THBS2: variants seen among roughly 807,000 people sequenced by gnomAD.
THBS2 encodes the protein thrombospondin-2.
In THBS2, 47 loss-of-function variants were observed where a neutral mutation model predicts 135.2. The ratio of observed to expected loss-of-function variants is 0.35; its 90% confidence interval spans 0.28 to 0.44. The LOEUF (loss-of-function observed/expected upper bound fraction) is 0.44, where lower values mean the gene tolerates loss of function less well. THBS2 is among the 20% of genes least tolerant of loss of function. The pLI, the probability that THBS2 is intolerant of heterozygous loss-of-function variation, is 1.00. For missense variants in THBS2, 1,288 were observed against 1,603.1 expected, an observed-to-expected ratio of 0.80 and a Z score of 3.36; for synonymous variants, 639 against 633.8, an observed-to-expected ratio of 1.01 and a Z score of -0.12.
In THBS2 at chr6:169,237,668, G is replaced by C. The variant is rs9766671; in HGVS notation, c.1257C>G (p.Ser419=). Residue 419 remains serine, a synonymous_variant, in exon 8 of 22, where the codon TCC becomes TCG. Transcript: ENST00000617924. ...DVTSNTCLGP[S]IQTRACSLSK... is the part of the protein sequence containing the mutation. The stretch of plus-strand genomic sequence containing the variant: ...TCAGACTGCAAGCCCGTGTCTGGAT[G>C]GAGGGCCCCAAGCAGGTGTTGCTGG... The C allele has an allele frequency of 0.2, 324,654 of 1,612,740 alleles. 33,713 individuals carry two copies. The highest frequency in any genetic ancestry group is 0.29 in the South Asian group (26,056 of 91,070).
chr6:169,250,253 T>C (rs1000178974), intron 2 of THBS2, among the ~76,000 whole-genome samples: 3 of 152,218 alleles, frequency 2.0e-5, no homozygotes, highest in Admixed American at 2.0e-4. Context: ...CTACTTAAGA[T>C]TTATCCACGT....
intron 15 of THBS2, among the ~76,000 whole-genome samples, chr6:169,227,162 T>A (rs6902567): frequency 6.6e-6 from 1 of 151,718 alleles, no homozygotes; most frequent in African/African-American, 2.4e-5. Context: ...CAGGTTGGGG[T>A]GGCTCAGAAA....
intron 21 of THBS2, among the ~76,000 whole-genome samples, chr6:169,219,233 G>A (rs201344109): frequency 7.9e-6 from 1 of 126,866 alleles, no homozygotes; most frequent in African/African-American, 3.0e-5. Context: ...GGGTGGGTGG[G>A]TGGATGGATT....
At chr6:169,238,648 G>T (rs767391240) in intron 7 of THBS2, among the ~76,000 whole-genome samples, 1 of 152,126 alleles carries the variant, frequency 6.6e-6, no homozygotes, top group Non-Finnish European at 1.5e-5. Context: ...ACTGTATAGG[G>T]GATACATTTT....
chr6:169,225,730 C>T (rs750587582), intron 16 of THBS2, among the ~76,000 whole-genome samples: 3 of 152,208 alleles, frequency 2.0e-5, no homozygotes, highest in Non-Finnish European at 2.9e-5. Context: ...GATAATATAT[C>T]CTATGAGCTG....
chr6:169,248,112 G>A (rs965618929), intron 3 of THBS2, among the ~76,000 whole-genome samples: 1 of 151,782 alleles, frequency 6.6e-6, no homozygotes, highest in African/African-American at 2.4e-5. Flanking sequence ...GAGTGTGAGT[G>A]CATATGCAGT....
chr6:169,218,834 GAT>G, intron 21 of THBS2, among the ~76,000 whole-genome samples: 1 of 88,040 alleles, frequency 1.1e-5, no homozygotes, highest in South Asian at 3.4e-4. Flanking sequence ...GGCTGAGATG[GAT>G]GGATGGATGG....
At chr6:169,227,210 G>A (rs763946319) in intron 15 of THBS2, among the ~76,000 whole-genome samples, 5 of 152,162 alleles carry the variant, frequency 3.3e-5, no homozygotes, top group Non-Finnish European at 5.9e-5. Context: ...AGGACCCCAC[G>A]AGGCGAAGTG....
chr6:169,232,347 T>C (rs1779869021), intron 12 of THBS2, 149 bp from the exon 13 acceptor site: 1 of 906,258 alleles, frequency 1.1e-6, no homozygotes, highest in Non-Finnish European at 1.7e-6. Context: ...GGACACGCAC[T>C]TGAGGTGCTG....
rs770883806 is a variant in THBS2 at position 169,232,154 on chromosome 6, G to A, written c.1977C>T (p.Cys659=). 1.1e-5 allele frequency: 18 copies of A among 1,614,064 alleles called. No homozygotes were observed. Among genetic ancestry groups the A allele is most frequent in the Non-Finnish European group, 1.4e-5 (17 of 1,179,964 alleles). ...ENPCKDKTHN[C]HKHAECIYLG... is the part of the protein sequence containing the mutation. ...GGTAGATGCACTCCGCGTGCTTGTGGCAGTTGTGTGTCTTGTCCTTGCATG... is the reference window on the plus strand; with the variant it reads ...GGTAGATGCACTCCGCGTGCTTGTGACAGTTGTGTGTCTTGTCCTTGCATG... Residue 659 remains cysteine (C), a synonymous_variant, in exon 13 of 22, where the codon TGC becomes TGT. Transcript: ENST00000617924.
In THBS2 at chr6:169,248,684, C is replaced by G; in HGVS notation, c.342G>C (p.Glu114Asp). 1 of 1,613,894 alleles carries G rather than the reference C, an allele frequency of 6.2e-7. No homozygotes were observed. Among genetic ancestry groups the G allele is most frequent in the South Asian group, 1.1e-5 (1 of 91,064 alleles). Reference sequence around the variant, plus strand: ...TGTCCGCGGGGCCGTTGGAGACGATCTCGAACTGCCTCTGGGAGAGACCGG... The same window carrying G: ...TGTCCGCGGGGCCGTTGGAGACGATGTCGAACTGCCTCTGGGAGAGACCGG... ...EGPGLSQRQF[E>D]IVSNGPADTL... Residue 114 changes from glutamate (E) to aspartate (D), a missense_variant, in exon 3 of 22, where the codon GAG becomes GAC. Physicochemically the swap from Glu to Asp is conservative, Grantham distance 45. Around this residue, in one of 2 missense-constraint regions of THBS2, gnomAD observed 414 missense variants for 447.0 expected, o/e 0.93. Transcript: ENST00000617924.
At chr6:169,226,772 GAA>G (rs939950461) in intron 15 of THBS2, among the ~76,000 whole-genome samples, 2 of 152,158 alleles carry the variant, frequency 1.3e-5, no homozygotes, top group Admixed American at 1.3e-4. Context: ...CATTGATACT[GAA>G]GTTACAAAAA....
intron 4 of THBS2, among the ~76,000 whole-genome samples, chr6:169,242,557 TGCTCCTAA>T (rs1780347719): frequency 2.3e-5 from 3 of 129,570 alleles, no homozygotes; most frequent in Admixed American, 7.6e-5. Context: ...ACCTTCCCAC[TGCTCCTAA>T]CTTCCCACCT....
chr6:169,236,474 CCCCA>C (rs1562360081), intron 9 of THBS2, among the ~76,000 whole-genome samples: 1 of 86,954 alleles, frequency 1.2e-5, no homozygotes, highest in Non-Finnish European at 2.6e-5. Context: ...CACACTCACT[CCCCA>C]TCCACACTCA....
chr6:169,221,249 T>A (rs1052062861), intron 20 of THBS2, among the ~76,000 whole-genome samples, 181 bp downstream of exon 20: 10 of 152,242 alleles, frequency 6.6e-5, no homozygotes, highest in Non-Finnish European at 1.3e-4. Flanking sequence ...AACCATTTTT[T>A]AAAAATACTT....
chr6:169,241,922 A>C lies in THBS2; in HGVS notation c.731T>G (p.Leu244Arg), dbSNP rs748691484. ...INAISENTET[L>R]RLGPHVTTEY... ...GGTGGTGACATGCGGACCCAGGCGC[A>C]GCGTCTCTGTGTTCTCACTGATGGC... is the stretch of plus-strand genomic sequence containing the variant. The change falls in exon 5 of 22, where the codon CTG becomes CGG. Residue 244 changes from leucine (L) to arginine (R), a missense_variant. Transcript: ENST00000617924. This position sits in a 1 kb window ranked among gnomAD's most constrained non-coding sequence, Gnocchi z 5.5. 5.6e-6 allele frequency: 9 copies of C among 1,611,520 alleles called. No individual in the cohort carries two copies. In the East Asian group the frequency reaches 2.0e-4, roughly 36 times the overall value.
intron 10 of THBS2, 44 bp from the exon 11 acceptor site, chr6:169,233,061 C>T (rs1779907400): frequency 1.4e-6 from 2 of 1,475,114 alleles, no homozygotes; most frequent in African/African-American, 2.8e-5. Context: ...GCGCCCTGCG[C>T]AGCACAGAAG....
At chr6:169,242,340 C>G (rs1275410435) in intron 4 of THBS2, among the ~76,000 whole-genome samples, 1 of 152,106 alleles carries the variant, frequency 6.6e-6, no homozygotes, top group Non-Finnish European at 1.5e-5. Context: ...CCCAGGTCCC[C>G]TCTTTGCAAA....
At chr6:169,228,096 G>C (rs377648669) in intron 15 of THBS2, 26 bp downstream of exon 15, 12 of 1,564,668 alleles carry the variant, frequency 7.7e-6, no homozygotes, top group African/African-American at 1.4e-5. Flanking sequence ...AAAAGTGCAC[G>C]CATGGGAAGG....
Sources: allele counts gnomAD v4.1 joint callset (sites outside exome capture counted in the v4.1 genomes callset), GRCh38; gene constraint gnomAD v4.1.1; regional missense constraint gnomAD v4.1.1; non-coding constraint Gnocchi (gnomAD v3.1); transcripts MANE v1.5; gene names NCBI Gene and HGNC (gene_info 2026-07-23, HGNC 2026-07-21).